Variants in ST6GALNAC3 observed in about 807,000 individuals in gnomAD.
The protein encoded by ST6GALNAC3 is alpha-N-acetylgalactosaminide alpha-2,6-sialyltransferase 3.
Under a neutral mutation model 32.7 loss-of-function variants are expected in ST6GALNAC3, and 25 were observed. The observed-to-expected ratio is 0.76, with a 90% CI of 0.56 to 1.07. ST6GALNAC3 has a LOEUF of 1.07. Ranked by LOEUF, ST6GALNAC3 falls within the 50% of genes least tolerant of loss-of-function variation. The probability of loss-of-function intolerance (pLI) is 0.00; values close to 1 mark genes in which losing one functional copy is unlikely to be tolerated. For synonymous variants in ST6GALNAC3, 129 were observed against 133.1 expected (o/e 0.97, Z 0.21); for missense variants, 355 against 382.4 (o/e 0.93, Z 0.60).
At chr1:76,199,979 G>A (rs912024932) in intron 1 of ST6GALNAC3, among the ~76,000 whole-genome samples, 1 of 152,140 alleles carries the variant, frequency 6.6e-6, no homozygotes, top group Non-Finnish European at 1.5e-5. Context: ...TTAAATGAGA[G>A]CTTGTTTGTG....
At chr1:76,243,610 A>C (rs1657088719) in intron 1 of ST6GALNAC3, among the ~76,000 whole-genome samples, 1 of 152,116 alleles carries the variant, frequency 6.6e-6, no homozygotes, top group Non-Finnish European at 1.5e-5. Context: ...TCTTTAATTC[A>C]TCTTGAGTTA....
At chr1:76,375,712 G>C (rs1301641342) in intron 2 of ST6GALNAC3, among the ~76,000 whole-genome samples, 1 of 152,040 alleles carries the variant, frequency 6.6e-6, no homozygotes, top group Non-Finnish European at 1.5e-5. Context: ...GGAAATATTT[G>C]GAAATAAATC....
intron 3 of ST6GALNAC3, among the ~76,000 whole-genome samples, chr1:76,568,400 G>A (rs868396297): frequency 8.5e-5 from 13 of 152,274 alleles, no homozygotes; most frequent in African/African-American, 2.6e-4. Context: ...CTACAGAAAT[G>A]TTCAGAAAGA....
chr1:76,164,259 GGA>G (rs1428857726), intron 1 of ST6GALNAC3, among the ~76,000 whole-genome samples: 1 of 152,136 alleles, frequency 6.6e-6, no homozygotes, highest in Non-Finnish European at 1.5e-5. Flanking sequence ...CCCATTCCAA[GGA>G]GAGAGGGAAA....
chr1:76,295,201 C>T (rs1034019546), intron 1 of ST6GALNAC3, among the ~76,000 whole-genome samples: 1 of 151,772 alleles, frequency 6.6e-6, no homozygotes, highest in South Asian at 2.1e-4. Flanking sequence ...TTAAAGCTAC[C>T]GAAGATAGGT....
At chr1:76,236,917 G>A (rs1475993569) in intron 1 of ST6GALNAC3, among the ~76,000 whole-genome samples, 1 of 152,098 alleles carries the variant, frequency 6.6e-6, no homozygotes, top group African/African-American at 2.4e-5. Flanking sequence ...TAAGACAGTG[G>A]CAGGTACCTG....
chr1:76,078,396 C>T (rs1646845240), intron 1 of ST6GALNAC3, among the ~76,000 whole-genome samples: 1 of 152,160 alleles, frequency 6.6e-6, no homozygotes, highest in African/African-American at 2.4e-5. Context: ...GCTGAGGGCC[C>T]ATTCTGCCAA....
At chr1:76,235,896 T>C (rs1477847907) in intron 1 of ST6GALNAC3, among the ~76,000 whole-genome samples, 2 of 151,506 alleles carry the variant, frequency 1.3e-5, no homozygotes, top group African/African-American at 4.9e-5. Context: ...TGTGTCCCGT[T>C]TCCCCTTTTA....
intron 1 of ST6GALNAC3, among the ~76,000 whole-genome samples, chr1:76,144,839 C>A (rs1246221018): frequency 2.6e-5 from 4 of 152,202 alleles, no homozygotes; most frequent in African/African-American, 7.2e-5. Context: ...ATCACCTTGA[C>A]AAACTGTGTA....
intron 1 of ST6GALNAC3, among the ~76,000 whole-genome samples, chr1:76,171,734 A>C (rs989713335): frequency 2.0e-5 from 3 of 151,816 alleles, no homozygotes; most frequent in African/African-American, 7.3e-5. Flanking sequence ...CCAAGACTAA[A>C]CCAGGAAAAA....
chr1:76,116,198 A>G (rs767957880), intron 1 of ST6GALNAC3, among the ~76,000 whole-genome samples: 6 of 152,070 alleles, frequency 3.9e-5, no homozygotes, highest in Non-Finnish European at 8.8e-5. Flanking sequence ...TGCATCTGTC[A>G]TTGAAGAGAA....
intron 3 of ST6GALNAC3, among the ~76,000 whole-genome samples, chr1:76,596,823 C>G (rs1327510990): frequency 2.0e-5 from 3 of 152,172 alleles, no homozygotes; most frequent in African/African-American, 7.2e-5. Flanking sequence ...TTTCCACACA[C>G]AAAGAGATGG....
At chr1:76,259,984 TTTCTTC>T (rs750309851) in intron 1 of ST6GALNAC3, among the ~76,000 whole-genome samples, 2 of 152,130 alleles carry the variant, frequency 1.3e-5, no homozygotes, top group Non-Finnish European at 2.9e-5. Context: ...TTAGTTTTGC[TTTCTTC>T]TTCTTCTTTT....
chr1:76,454,762 A>C (rs1212324439), intron 3 of ST6GALNAC3, among the ~76,000 whole-genome samples: 2 of 152,134 alleles, frequency 1.3e-5, no homozygotes, highest in East Asian at 3.8e-4. Context: ...CTATGTGCCT[A>C]GACAATGATC....
intron 2 of ST6GALNAC3, among the ~76,000 whole-genome samples, chr1:76,348,385 T>A (rs370714900): frequency 2.6e-5 from 4 of 152,150 alleles, no homozygotes; most frequent in African/African-American, 9.7e-5. Flanking sequence ...CACATGAGAA[T>A]TGATGTGGAA....
chr1:76,506,060 A>C (rs1661462192), intron 3 of ST6GALNAC3, among the ~76,000 whole-genome samples: 1 of 152,200 alleles, frequency 6.6e-6, no homozygotes, highest in Non-Finnish European at 1.5e-5. Context: ...TGGATATGCT[A>C]ATAAGCTCCA....
At chr1:76,573,237 A>T (rs2100505513) in intron 3 of ST6GALNAC3, among the ~76,000 whole-genome samples, 1 of 152,250 alleles carries the variant, frequency 6.6e-6, no homozygotes, top group East Asian at 1.9e-4. Flanking sequence ...GGCAAGTGGA[A>T]CTACCTTTCC....
chr1:76,507,515 T>C (rs1037928100), intron 3 of ST6GALNAC3, among the ~76,000 whole-genome samples: 1 of 152,228 alleles, frequency 6.6e-6, no homozygotes, highest in East Asian at 1.9e-4. Context: ...ATTCTGGCTA[T>C]TCCATATAAA....
intron 3 of ST6GALNAC3, among the ~76,000 whole-genome samples, chr1:76,455,199 C>A (rs144431334): frequency 6.6e-6 from 1 of 152,006 alleles, no homozygotes; most frequent in Non-Finnish European, 1.5e-5. Flanking sequence ...TTATTATTTA[C>A]ATCTATCATT....
Sources: allele counts gnomAD v4.1 joint callset (sites outside exome capture counted in the v4.1 genomes callset), GRCh38; gene constraint gnomAD v4.1.1; transcripts MANE v1.5; gene names NCBI Gene and HGNC (gene_info 2026-07-23, HGNC 2026-07-21).